Variants in WRN observed in about 807,000 individuals in gnomAD.
WRN encodes WRN RecQ like helicase, also known as bifunctional 3'-5' exonuclease/ATP-dependent helicase WRN.
In WRN, 149 loss-of-function variants were observed where a neutral mutation model predicts 180.7. The ratio of observed to expected loss-of-function variants is 0.82; its 90% CI spans 0.72 to 0.94. The LOEUF is 0.94. Among genes scored for constraint, WRN ranks in the 40% least tolerant of loss-of-function variants. WRN has a pLI of 0.00. For synonymous variants in WRN, 548 were observed against 568.9 expected (o/e 0.96, Z 0.52); for missense variants, 1,661 against 1,700.1 (o/e 0.98, Z 0.40).
At position 31,125,515 on chromosome 8, in the gene WRN, A is replaced by C. The variant is rs113896103; in HGVS notation, c.2825+515A>C. 2.3e-3 allele frequency among the ~76,000 whole-genome samples: 244 copies of C among 107,784 alleles called. 2 individuals are homozygous for C. The highest frequency in any genetic ancestry group is 7.6e-3 in the African/African-American group (231 of 30,366). The allele number at this position is 107,784 out of a possible 152,430, so 70.7% of individuals were successfully genotyped here. On this transcript the variant is annotated intron_variant, in intron 23 of 34. Transcript: ENST00000298139. ...GTATCAGTCAGGGTTCACCAGAGAAATAGGACGATTGATATTATGGAGATA... is the reference window on the plus strand; with the variant it reads ...GTATCAGTCAGGGTTCACCAGAGAACTAGGACGATTGATATTATGGAGATA...
At chr8:31,131,160 C>CTTTCTTTTTTTTTT (rs144507657) in intron 23 of WRN, among the ~76,000 whole-genome samples, 1 of 106,840 alleles carries the variant, frequency 9.4e-6, no homozygotes, top group African/African-American at 3.5e-5. Context: ...TTGCAACTTT[C>CTTTCTTTTTTTTTT]TTTTTTTTTG....
intron 18 of WRN, among the ~76,000 whole-genome samples, chr8:31,105,995 G>A (rs925329835): frequency 2.0e-5 from 3 of 152,094 alleles, no homozygotes; most frequent in African/African-American, 7.2e-5. Flanking sequence ...TGACCAACAG[G>A]TATCTCAAAC....
At chr8:31,056,905 G>T (rs1198251991) in intron 1 of WRN, among the ~76,000 whole-genome samples, 1 of 152,118 alleles carries the variant, frequency 6.6e-6, no homozygotes, top group Non-Finnish European at 1.5e-5. Context: ...CCCTTAGTAA[G>T]CTGCCTTCTG....
chr8:31,076,248 A>G lies in WRN; in HGVS notation c.800A>G (p.His267Arg). Residue 267 changes from histidine to arginine, a missense_variant, in exon 8 of 35, where the codon CAT (histidine) becomes CGT (arginine). His to Arg is a conservative substitution (Grantham distance 29). This residue lies in a region of WRN where 500 missense variants were observed against 504.1 expected (regional missense o/e 0.99). Transcript: ENST00000298139. ...GAGGAAGTGATGGATCTGGCTAAGC[A>G]TCTTCCTCATGCTTTCAGTAAATTG... ...ISEEVMDLAKHLPHAFSKLEN... is the reference protein window; with the variant it reads ...ISEEVMDLAKRLPHAFSKLEN... The G allele has an allele frequency of 1.9e-6, 3 of 1,613,874 alleles. No individual in the cohort carries two copies. Among genetic ancestry groups the G allele is most frequent in the South Asian group, 1.1e-5 (1 of 91,068 alleles).
intron 7 of WRN, among the ~76,000 whole-genome samples, chr8:31,070,337 T>G (rs1277188066): frequency 6.6e-6 from 1 of 152,100 alleles, no homozygotes; most frequent in Non-Finnish European, 1.5e-5. Flanking sequence ...CTTTTGCTTT[T>G]TATTATTAGA....
intron 23 of WRN, among the ~76,000 whole-genome samples, chr8:31,125,455 G>A (rs944357940): frequency 1.4e-5 from 2 of 145,594 alleles, no homozygotes; most frequent in African/African-American, 2.5e-5. Context: ...GATAAAGAAG[G>A]ATATTATATG....
intron 3 of WRN, among the ~76,000 whole-genome samples, chr8:31,062,482 G>A (rs926891085): frequency 1.3e-5 from 2 of 148,988 alleles, no homozygotes; most frequent in Admixed American, 6.8e-5. Context: ...ATCTTGGTTC[G>A]CTGCAACCTC....
chr8:31,069,585 C>T (rs770860473), intron 7 of WRN, among the ~76,000 whole-genome samples: 7 of 152,204 alleles, frequency 4.6e-5, no homozygotes, highest in South Asian at 2.1e-4. Flanking sequence ...ATAAGAAATC[C>T]GGAGATGATT....
At chr8:31,126,020 C>T (rs1470106338) in intron 23 of WRN, among the ~76,000 whole-genome samples, 2 of 148,678 alleles carry the variant, frequency 1.3e-5, no homozygotes, top group African/African-American at 5.1e-5. Context: ...AAAAGACTGA[C>T]AGAACTGAAA....
At chr8:31,107,474 C>A (rs1801140337) in intron 18 of WRN, among the ~76,000 whole-genome samples, 1 of 152,150 alleles carries the variant, frequency 6.6e-6, no homozygotes, top group Admixed American at 6.5e-5. Context: ...AAAGCACATT[C>A]CTTCTGTTGG....
At chr8:31,161,167 A>G (rs188549594) in intron 33 of WRN, among the ~76,000 whole-genome samples, 1 of 152,238 alleles carries the variant, frequency 6.6e-6, no homozygotes, top group Non-Finnish European at 1.5e-5. Context: ...TGGCTCTAGC[A>G]TCTCATTGTT....
chr8:31,148,976 T>A (rs929488755), intron 30 of WRN, among the ~76,000 whole-genome samples: 6 of 152,246 alleles, frequency 3.9e-5, no homozygotes. Context: ...GTAATTGTAT[T>A]TGTCTTTTAC....
rs376622928 is a variant in WRN, at chr8:31,068,269, T to C, written c.666T>C (p.Ile222=). The change falls in exon 7 of 35, where the codon ATT becomes ATC. Residue 222 remains isoleucine (I), a synonymous_variant. Coordinates refer to ENST00000298139, the MANE Select transcript of WRN (RefSeq NM_000553.6). ...CTGTTTTTTTATAGGCTGGTTTTAT[T>C]ATTTACCGAAATTTAGAGATTTTGG... The part of the protein sequence containing the change: ...YAATDAYAGF[I]IYRNLEILDD... 241 of 1,607,178 alleles carry C rather than the reference T, an allele frequency of 1.5e-4. 1 individual carries two copies. The highest frequency in any genetic ancestry group is 2.0e-4 in the Non-Finnish European group (232 of 1,175,414).
chr8:31,133,975 TA>T (rs1802287438), intron 24 of WRN, among the ~76,000 whole-genome samples: 1 of 152,138 alleles, frequency 6.6e-6, no homozygotes, highest in Non-Finnish European at 1.5e-5. Flanking sequence ...TTTCACCTAT[TA>T]AAAAACCAAA....
chr8:31,120,540 GTA>G, intron 21 of WRN, 116 bp downstream of exon 21: 2 of 467,196 alleles, frequency 4.3e-6, no homozygotes, highest in South Asian at 4.1e-5. Flanking sequence ...TGCATTTAAA[GTA>G]AAAAAAAAAA....
chr8:31,065,604 G>A lies in WRN; in HGVS notation c.504+541G>A, dbSNP rs549644887. 3.9e-5 allele frequency among the ~76,000 whole-genome samples: 6 copies of A among 151,974 alleles called. 1 individual carries two copies. Among genetic ancestry groups the A allele is most frequent in the African/African-American group, 1.4e-4 (6 of 41,508 alleles). On this transcript the variant is annotated intron_variant, in intron 5 of 34. Transcript: ENST00000298139. The stretch of plus-strand genomic sequence containing the variant: ...TTATGGCTGCATAGTATTCCATGGT[G>A]TATATGTACCACATTTTTTTTAATG...
chr8:31,137,090 G>C (rs1471035351), intron 24 of WRN, among the ~76,000 whole-genome samples: 2 of 144,444 alleles, frequency 1.4e-5, no homozygotes, highest in Non-Finnish European at 3.0e-5. Flanking sequence ...ACTTGTTTTA[G>C]TTTGGATTCC....
intron 6 of WRN, among the ~76,000 whole-genome samples, chr8:31,067,830 A>G (rs1043393382): frequency 6.6e-6 from 1 of 152,188 alleles, no homozygotes; most frequent in Non-Finnish European, 1.5e-5. Flanking sequence ...CATCTATCAA[A>G]GGAATGGAAA....
chr8:31,116,579 A>T, intron 20 of WRN, 51 bp downstream of exon 20: 1 of 1,604,316 alleles, frequency 6.2e-7, no homozygotes, highest in South Asian at 1.1e-5. Flanking sequence ...GGAAGTGGAT[A>T]TTTCTCAAAT....
Sources: allele counts gnomAD v4.1 joint callset (sites outside exome capture counted in the v4.1 genomes callset), GRCh38; gene constraint gnomAD v4.1.1; regional missense constraint gnomAD v4.1.1; transcripts MANE v1.5; gene names NCBI Gene and HGNC (gene_info 2026-07-23, HGNC 2026-07-21).